Variants in MNS1 observed in about 807,000 individuals in gnomAD.
MNS1 encodes the protein meiosis specific nuclear structural 1.
MNS1 carries 63 observed loss-of-function variants against 72.0 expected under a neutral mutation model. The observed-to-expected ratio is 0.87, with a 90% CI of 0.71 to 1.08. MNS1 has a LOEUF of 1.08. Ranked by LOEUF, MNS1 falls within the 50% of genes least tolerant of loss-of-function variation. The pLI, the probability that MNS1 is intolerant of heterozygous loss-of-function variation, is 0.00. For missense variants in MNS1, 604 were observed against 562.4 expected, an observed-to-expected ratio of 1.07 and a Z score of -0.75; for synonymous variants, 188 against 172.1, an observed-to-expected ratio of 1.09 and a Z score of -0.72.
At chr15:56,451,804 A>C (rs960045510) in intron 3 of MNS1, among the ~76,000 whole-genome samples, 1 of 152,194 alleles carries the variant, frequency 6.6e-6, no homozygotes, top group East Asian at 1.9e-4. Flanking sequence ...TACATCAAGG[A>C]GCATCTGTAC....
chr15:56,459,162 T>G (rs1265475540), intron 2 of MNS1, among the ~76,000 whole-genome samples: 1 of 152,188 alleles, frequency 6.6e-6, no homozygotes, highest in Admixed American at 6.5e-5. Flanking sequence ...ATTTTTTGTC[T>G]CCATGGATTT....
chr15:56,456,868 A>T (rs1360167032), intron 2 of MNS1, among the ~76,000 whole-genome samples: 1 of 152,072 alleles, frequency 6.6e-6, no homozygotes, highest in Non-Finnish European at 1.5e-5. Flanking sequence ...ACAATCCTAG[A>T]CATCATGTCA....
At chr15:56,446,366 C>T (rs1284027047) in intron 4 of MNS1, among the ~76,000 whole-genome samples, 1 of 151,922 alleles carries the variant, frequency 6.6e-6, no homozygotes, top group Non-Finnish European at 1.5e-5. Context: ...TAACTCTTAT[C>T]TTCAACTTGG....
At chr15:56,457,778 G>A (rs2050990604) in intron 2 of MNS1, among the ~76,000 whole-genome samples, 1 of 151,370 alleles carries the variant, frequency 6.6e-6, no homozygotes, top group African/African-American at 2.4e-5. Flanking sequence ...TCATGCCACT[G>A]CACTCCAGCT....
At chr15:56,461,490 A>G (rs1337519350) in intron 2 of MNS1, among the ~76,000 whole-genome samples, 1 of 151,902 alleles carries the variant, frequency 6.6e-6, no homozygotes, top group African/African-American at 2.4e-5. Flanking sequence ...GTGAAACCCC[A>G]TCTCTACTAA....
chr15:56,450,391 G>C (rs750768888), intron 3 of MNS1, among the ~76,000 whole-genome samples: 2 of 152,014 alleles, frequency 1.3e-5, no homozygotes, highest in Non-Finnish European at 2.9e-5. Flanking sequence ...AAAGAGAAAT[G>C]CTGCACCTCT....
In MNS1 at chr15:56,434,261, T is replaced by C; in HGVS notation, c.1146A>G (p.Lys382=). Residue 382 remains lysine (K), a synonymous_variant, in exon 8 of 10, where the codon AAA becomes AAG. Transcript: ENST00000260453. ...ATTCTATTCGATCATCCTCAGCAAA[T>C]TTAGCTAGCATAGTTTTTCTAAAGT... ...EENFRKTMLA[K]FAEDDRIELM... is the part of the protein sequence containing the mutation. 6.2e-7 allele frequency: 1 copy of C among 1,613,998 alleles called. No homozygotes were observed. The highest frequency in any genetic ancestry group is 8.5e-7 in the Non-Finnish European group (1 of 1,179,936).
chr15:56,451,702 A>G (rs773472037), intron 3 of MNS1, among the ~76,000 whole-genome samples: 1 of 146,384 alleles, frequency 6.8e-6, no homozygotes, highest in African/African-American at 2.5e-5. Flanking sequence ...AACCATATGC[A>G]TTCACAGTAG....
intron 2 of MNS1, among the ~76,000 whole-genome samples, chr15:56,459,424 G>A (rs1345839685): frequency 1.3e-5 from 2 of 152,128 alleles, no homozygotes; most frequent in African/African-American, 4.8e-5. Flanking sequence ...AGACACTCGT[G>A]TATGAGTTTT....
rs2140359829 is a variant in MNS1, at chr15:56,444,692, T to A, written c.457-19A>T. 1 of 1,590,782 alleles carries A rather than the reference T, an allele frequency of 6.3e-7. No individual in the cohort carries two copies. The highest frequency in any genetic ancestry group is 2.2e-5 in the East Asian group (1 of 44,684). On this transcript the variant is annotated intron_variant, in intron 4 of 9. Transcript: ENST00000260453. ...CACGTTTCTGTTATTAAAACAAAAT[T>A]GATCTTTCCGTTTTCAAATTTGAAC...
At chr15:56,461,990 T>G (rs1225827595) in intron 2 of MNS1, among the ~76,000 whole-genome samples, 34,069 of 131,022 alleles carry the variant, frequency 0.26, 4,474 homozygotes, top group Middle Eastern at 0.41. Flanking sequence ...TTTTTTTTTT[T>G]TTTTTTTTTT....
chr15:56,435,898 AC>A (rs2050716138), intron 7 of MNS1, among the ~76,000 whole-genome samples: 1 of 152,054 alleles, frequency 6.6e-6, no homozygotes. Flanking sequence ...CAAATCCTTA[AC>A]CCAATATTAG....
intron 9 of MNS1, chr15:56,430,054 A>G (rs1260165817): frequency 6.6e-6 from 1 of 152,178 alleles, no homozygotes; most frequent in Non-Finnish European, 1.5e-5. Flanking sequence ...GTAATTACCT[A>G]TATATCTTTT....
At chr15:56,453,984 A>G (rs1220805198) in intron 3 of MNS1, among the ~76,000 whole-genome samples, 1 of 152,210 alleles carries the variant, frequency 6.6e-6, no homozygotes, top group Non-Finnish European at 1.5e-5. Context: ...CTGAATTTAG[A>G]CATGCCAATT....
Position 56,429,148 on chromosome 15 carries a change from A to C in MNS1, c.1441T>G (p.Phe481Val). The change falls in exon 10 of 10, where the codon TTC (phenylalanine) becomes GTC (valine). Residue 481 changes from phenylalanine to valine, a missense_variant. Transcript: ENST00000260453. The part of the protein sequence containing the change: ...EDDIDLLGEE[F>V]RKVYQQRSEI... ...CTCCTTTGTTGATATACTTTCCTGA[A>C]CTCTTCACCAAGCAGATCAATATCA... The C allele has an allele frequency of 6.2e-7, 1 of 1,602,804 alleles. No homozygotes were observed. The highest frequency in any genetic ancestry group is 8.5e-7 in the Non-Finnish European group (1 of 1,175,656).
At chr15:56,430,393 A>G (rs1241041810) in intron 9 of MNS1, among the ~76,000 whole-genome samples, 1 of 151,994 alleles carries the variant, frequency 6.6e-6, no homozygotes, top group African/African-American at 2.4e-5. Flanking sequence ...TTTTGTAGCA[A>G]TGGCATCTCC....
At chr15:56,431,948 A>G (rs1315876624) in intron 8 of MNS1, among the ~76,000 whole-genome samples, 23 of 152,110 alleles carry the variant, frequency 1.5e-4, no homozygotes, top group African/African-American at 5.6e-4. Context: ...TTCCACTAGT[A>G]TTTCTTAGGA....
At position 56,428,800 on chromosome 15, in the gene MNS1, G is replaced by A; in HGVS notation, c.*301C>T. 2.8e-6 allele frequency: 1 copy of A among 353,408 alleles called. No homozygotes were observed. Among genetic ancestry groups the A allele is most frequent in the Non-Finnish European group, 5.1e-6 (1 of 197,228 alleles). 21.9% of individuals were successfully genotyped at this position (353,408 alleles called of 1,614,324 possible). A position where few individuals can be genotyped will look rare whatever the true frequency, so the allele number is the denominator to read the frequency against. On this transcript the variant is annotated 3_prime_UTR_variant, in exon 10 of 10. Coordinates refer to ENST00000260453, the MANE Select transcript of MNS1 (RefSeq NM_018365.4). The stretch of plus-strand genomic sequence containing the variant: ...AGTTCGTAAACACAGACAGAAGGCA[G>A]TTCACTTTGGGGTAGAGTTCTGTAT...
rs1206776896 is a variant in MNS1 at position 56,465,072 on chromosome 15, G to A, written c.-100C>T. 1.3e-6 allele frequency: 2 copies of A among 1,513,464 alleles called. No homozygotes were observed. Among genetic ancestry groups the A allele is most frequent in the Non-Finnish European group, 8.9e-7 (1 of 1,118,046 alleles). The allele number at this position is 1,513,464 out of a possible 1,614,324, so 93.8% of individuals were successfully genotyped here. On this transcript the variant is annotated 5_prime_UTR_variant, in exon 1 of 10. Coordinates refer to ENST00000260453, the MANE Select transcript of MNS1 (RefSeq NM_018365.4). ...CCCCAAGGAGCGCACCTGGCTGCGCGCGCTCGGGTGTTTACGCGGCGTCTT... is the reference window on the plus strand; with the variant it reads ...CCCCAAGGAGCGCACCTGGCTGCGCACGCTCGGGTGTTTACGCGGCGTCTT...
Sources: gnomAD v4.1 joint callset for allele counts (sites outside exome capture counted in the v4.1 genomes callset) on GRCh38, gnomAD v4.1.1 for gene constraint, MANE v1.5 for transcripts, NCBI Gene and HGNC (gene_info 2026-07-23, HGNC 2026-07-21) for gene names.